Variants in FNBP1L observed in about 807,000 individuals in gnomAD.
FNBP1L encodes formin-binding protein 1-like.
Under a neutral mutation model 91.2 loss-of-function variants are expected in FNBP1L, and 36 were observed. That is an observed-to-expected ratio of 0.39 (90% CI 0.30 to 0.52). The LOEUF is 0.52. Among genes scored for constraint, FNBP1L ranks in the 20% least tolerant of loss-of-function variants. FNBP1L has a pLI of 0.66. For synonymous variants in FNBP1L, 242 were observed against 237.0 expected (o/e 1.02, Z -0.19); for missense variants, 571 against 732.1 (o/e 0.78, Z 2.54).
intron 1 of FNBP1L, among the ~76,000 whole-genome samples, chr1:93,456,967 C>T (rs1292081809): frequency 6.6e-6 from 1 of 152,160 alleles, no homozygotes; most frequent in Non-Finnish European, 1.5e-5. Context: ...CAGCTTACTG[C>T]AGCCTCGACC....
rs1039372790 is a variant in FNBP1L at position 93,531,161 on chromosome 1, G to T, written c.639+278G>T. 6.4e-4 allele frequency among the ~76,000 whole-genome samples: 97 copies of T among 152,276 alleles called. 3 individuals carry two copies. The highest frequency in any genetic ancestry group is 6.3e-3 in the Admixed American group (96 of 15,298). ...TTAAGTATTTTGACATGACAAAGGA[G>T]AATTAATTGAATTTGTATATTGTAA... On this transcript the variant is annotated intron_variant, in intron 7 of 16. Transcript: ENST00000271234.
intron 1 of FNBP1L, among the ~76,000 whole-genome samples, chr1:93,473,530 G>T (rs936241598): frequency 1.1e-4 from 16 of 152,120 alleles, no homozygotes; most frequent in Admixed American, 9.2e-4. Flanking sequence ...TCTAGTGGGG[G>T]TCGTTTCCAT....
At chr1:93,465,926 G>A (rs946737598) in intron 1 of FNBP1L, among the ~76,000 whole-genome samples, 7 of 152,132 alleles carry the variant, frequency 4.6e-5, no homozygotes, top group Admixed American at 4.6e-4. Flanking sequence ...TCTCATTGTG[G>A]TTTTGATTTG....
Position 93,460,220 on chromosome 1 carries a change from C to T in FNBP1L, c.24+11915C>T, listed in dbSNP as rs537379582. Among the ~76,000 whole-genome samples, 10 of 152,190 alleles carry T rather than the reference C, an allele frequency of 6.6e-5. No homozygotes were observed. In the East Asian group the frequency reaches 1.7e-3, roughly 26 times the overall value. ...TGCCTTCATGGATGGGATTACAGCCCTTATAAAAGGACTTGAAGGAGAGAG... is the reference window on the plus strand; with the variant it reads ...TGCCTTCATGGATGGGATTACAGCCTTTATAAAAGGACTTGAAGGAGAGAG... On this transcript the variant is annotated intron_variant, in intron 1 of 16. Transcript: ENST00000271234.
chr1:93,545,482 T>G (rs1672192115), intron 12 of FNBP1L, among the ~76,000 whole-genome samples: 1 of 152,074 alleles, frequency 6.6e-6, no homozygotes, highest in Non-Finnish European at 1.5e-5. Flanking sequence ...CCAGAGAGAC[T>G]TGGTTAAAAA....
intron 10 of FNBP1L, 58 bp downstream of exon 10, chr1:93,536,548 T>C: frequency 7.0e-7 from 1 of 1,429,822 alleles, no homozygotes. Flanking sequence ...AGTGTGGCTT[T>C]TAATACTCTC....
chr1:93,477,895 GTTTC>G (rs924152607), intron 1 of FNBP1L, among the ~76,000 whole-genome samples: 6 of 152,176 alleles, frequency 3.9e-5, no homozygotes, highest in African/African-American at 1.2e-4. Flanking sequence ...TGCCTTTTCT[GTTTC>G]TTTAACAGTC....
intron 1 of FNBP1L, among the ~76,000 whole-genome samples, chr1:93,454,134 C>G (rs1668580424): frequency 6.6e-6 from 1 of 152,156 alleles, no homozygotes; most frequent in South Asian, 2.1e-4. Flanking sequence ...TTGCTGTATC[C>G]TGCCTGGATT....
At chr1:93,531,176 G>T (rs1483034721) in intron 7 of FNBP1L, among the ~76,000 whole-genome samples, 1 of 152,158 alleles carries the variant, frequency 6.6e-6, no homozygotes, top group African/African-American at 2.4e-5. Flanking sequence ...AATTGAATTT[G>T]TATATTGTAA....
At chr1:93,499,379 C>A in intron 1 of FNBP1L, 89 bp from the exon 2 acceptor site, 3 of 822,780 alleles carry the variant, frequency 3.6e-6, no homozygotes, top group Non-Finnish European at 5.9e-6. Context: ...TACCTCATTG[C>A]TTCTCTGTAC....
At chr1:93,509,110 A>G (rs1307182274) in intron 2 of FNBP1L, among the ~76,000 whole-genome samples, 2 of 152,208 alleles carry the variant, frequency 1.3e-5, no homozygotes, top group African/African-American at 4.8e-5. Context: ...ACAGGTTCAT[A>G]GGCATGACAG....
At chr1:93,488,821 A>C (rs967849586) in intron 1 of FNBP1L, among the ~76,000 whole-genome samples, 4 of 152,222 alleles carry the variant, frequency 2.6e-5, no homozygotes, top group African/African-American at 7.2e-5. Context: ...CCGAAGTAAT[A>C]ACCAGGAATG....
At chr1:93,465,395 G>C (rs556626244) in intron 1 of FNBP1L, among the ~76,000 whole-genome samples, 1 of 148,314 alleles carries the variant, frequency 6.7e-6, no homozygotes, top group East Asian at 2.0e-4. Flanking sequence ...GATGTTCACC[G>C]CCTTGTGTCC....
At chr1:93,470,643 C>T (rs1403757880) in intron 1 of FNBP1L, among the ~76,000 whole-genome samples, 1 of 151,856 alleles carries the variant, frequency 6.6e-6, no homozygotes, top group Non-Finnish European at 1.5e-5. Context: ...GAGGCCGAGG[C>T]GGGCGAATCA....
At chr1:93,539,671 ATGTATAATTTCATTTAATAACATTT>A (rs1481771412) in intron 10 of FNBP1L, among the ~76,000 whole-genome samples, 1 of 152,114 alleles carries the variant, frequency 6.6e-6, no homozygotes, top group Non-Finnish European at 1.5e-5. Context: ...TGCTTGTCCT[ATGTATAATTTCATTTAATAACATTT>A]TTGAAAGACT....
intron 2 of FNBP1L, among the ~76,000 whole-genome samples, chr1:93,514,246 C>G (rs1670981887): frequency 1.3e-5 from 2 of 152,014 alleles, no homozygotes; most frequent in Admixed American, 1.3e-4. Flanking sequence ...AACTACAAAC[C>G]ACTGCTCAAG....
At chr1:93,531,678 A>T (rs533507149) in intron 7 of FNBP1L, among the ~76,000 whole-genome samples, 1 of 152,340 alleles carries the variant, frequency 6.6e-6, no homozygotes, top group Non-Finnish European at 1.5e-5. Flanking sequence ...CAAGCCTGCC[A>T]GTCTTCACTG....
intron 2 of FNBP1L, among the ~76,000 whole-genome samples, chr1:93,506,476 G>T (rs1259352764): frequency 6.6e-6 from 1 of 152,100 alleles, no homozygotes; most frequent in African/African-American, 2.4e-5. Flanking sequence ...ACTTAACTGA[G>T]CCCACAAATT....
chr1:93,457,558 A>C (rs1460339409), intron 1 of FNBP1L, among the ~76,000 whole-genome samples: 3 of 152,250 alleles, frequency 2.0e-5, no homozygotes, highest in African/African-American at 7.2e-5. Flanking sequence ...ATTGGCAAAC[A>C]TCCTCAGGGC....
Sources: allele counts gnomAD v4.1 joint callset (sites outside exome capture counted in the v4.1 genomes callset), GRCh38; gene constraint gnomAD v4.1.1; transcripts MANE v1.5; gene names NCBI Gene and HGNC (gene_info 2026-07-23, HGNC 2026-07-21).